Variants in RALGPS1 observed in about 807,000 individuals in gnomAD.
RALGPS1 encodes the protein Ral GEF with PH domain and SH3 binding motif 1.
Under a neutral mutation model 78.8 loss-of-function variants are expected in RALGPS1, and 19 were observed. The ratio of observed to expected loss-of-function variants is 0.24; its 90% CI spans 0.17 to 0.35. The LOEUF is 0.35. Ranked by LOEUF, RALGPS1 falls within the 10% of genes least tolerant of loss-of-function variation. The pLI is 1.00. For missense variants in RALGPS1, 454 were observed against 688.3 expected (o/e 0.66, Z 3.81); for synonymous variants, 228 against 256.3 (o/e 0.89, Z 1.06).
Position 126,950,646 on chromosome 9 carries a change from T to C in RALGPS1, c.-65-11579T>C, listed in dbSNP as rs2037723939. Among the ~76,000 whole-genome samples the C allele has an allele frequency of 2.6e-5, 4 of 151,850 alleles. No individual in the cohort carries two copies. The South Asian group carries it at 8.4e-4, about 32-fold the overall frequency. On this transcript the variant is annotated intron_variant, in intron 1 of 18. Transcript: ENST00000259351. ...AACAAAGACACAACATACCAGAATC[T>C]CTGGGACACATTCAAAGCAGTGTGT...
chr9:127,182,348 T>TCCCTCCCTCCCTCCCTCCCTC (rs2060290708), intron 11 of RALGPS1, among the ~76,000 whole-genome samples: 1 of 133,482 alleles, frequency 7.5e-6, no homozygotes, highest in African/African-American at 2.8e-5. Flanking sequence ...CTTCCTTCCT[T>TCCCTCCCTCCCTCCCTCCCTC]CCTCCCTTCC....
rs761865529 is a variant in RALGPS1, at chr9:127,195,209, A to G, written c.1029A>G (p.Leu343=). The G allele has an allele frequency of 3.1e-6, 5 of 1,610,326 alleles. No homozygotes were observed. In the South Asian group the frequency reaches 3.3e-5, roughly 11 times the overall value. The part of the protein sequence containing the change: ...PVPRHRKSHS[L]GNNMMCQLSV... ...CCAGACACAGGAAGAGCCACAGCCT[A>G]GGCAACAAGTGGGTGACTGAGCAAG... is the stretch of plus-strand genomic sequence containing the variant. Residue 343 remains leucine (L), a synonymous_variant, in exon 12 of 19, where the codon CTA becomes CTG. Transcript: ENST00000259351.
At chr9:127,209,926 G>A (rs1018447024) in intron 14 of RALGPS1, among the ~76,000 whole-genome samples, 3 of 152,254 alleles carry the variant, frequency 2.0e-5, no homozygotes, top group African/African-American at 7.2e-5. Flanking sequence ...CGGGCAAGAA[G>A]AGCTGTGGTC....
chr9:127,183,750 C>T lies in RALGPS1; in HGVS notation c.910+8968C>T, dbSNP rs2140226174. The T allele has an allele frequency of 1.2e-6, 1 of 855,360 alleles. No homozygotes were observed. Among genetic ancestry groups the T allele is most frequent in the Non-Finnish European group, 1.8e-6 (1 of 562,550 alleles). The allele number at this position is 855,360 out of a possible 1,614,324, so 53.0% of individuals were successfully genotyped here. On this transcript the variant is annotated intron_variant, in intron 11 of 18. Coordinates refer to ENST00000259351, the MANE Select transcript of RALGPS1 (RefSeq NM_014636.3). This position sits in a 1 kb window ranked among gnomAD's most constrained non-coding sequence, Gnocchi z 4.0. ...TCCTCTCTCTGGAAACATACTCTCT[C>T]TGCCCGTTTATATTTTCGGAATGGA...
intron 12 of RALGPS1, among the ~76,000 whole-genome samples, chr9:127,195,972 A>G (rs916965015): frequency 1.3e-5 from 2 of 152,180 alleles, no homozygotes; most frequent in Admixed American, 1.3e-4. Flanking sequence ...CACTCTGCAT[A>G]TGCCTGTCAA....
intron 1 of RALGPS1, among the ~76,000 whole-genome samples, chr9:126,958,142 A>AAAAAAAAAAAAAAAAAAAATAT (rs113413659): frequency 1.3e-5 from 1 of 77,084 alleles, no homozygotes; most frequent in Admixed American, 1.5e-4. Context: ...AAAAAAAAAA[A>AAAAAAAAAAAAAAAAAAAATAT]ATATATATAT....
intron 4 of RALGPS1, among the ~76,000 whole-genome samples, chr9:127,025,069 C>T (rs1378095361): frequency 6.6e-6 from 1 of 152,094 alleles, no homozygotes; most frequent in Non-Finnish European, 1.5e-5. Context: ...GCCTCCTGTT[C>T]CCAGTCCTTG....
chr9:126,922,326 A>G (rs1295569716), intron 1 of RALGPS1, among the ~76,000 whole-genome samples: 2 of 152,206 alleles, frequency 1.3e-5, no homozygotes, highest in African/African-American at 2.4e-5. Context: ...CCTTGACATC[A>G]TAGGTTTCTT....
At chr9:127,046,391 A>G (rs1008667743) in intron 5 of RALGPS1, among the ~76,000 whole-genome samples, 15 of 152,184 alleles carry the variant, frequency 9.9e-5, no homozygotes, top group African/African-American at 2.7e-4. Flanking sequence ...TAGTGCTTCA[A>G]TGAAACCTTG....
At chr9:127,184,278 C>G in intron 11 of RALGPS1, 2 of 450,488 alleles carry the variant, frequency 4.4e-6, no homozygotes, top group Non-Finnish European at 8.2e-6. Flanking sequence ...CGTGATCGCG[C>G]CACCGCGCTC....
At chr9:127,096,182 G>T (rs2053113348) in intron 8 of RALGPS1, among the ~76,000 whole-genome samples, 1 of 152,208 alleles carries the variant, frequency 6.6e-6, no homozygotes, top group Non-Finnish European at 1.5e-5. Flanking sequence ...CCAGGGAAGG[G>T]GAGGCTAGAC....
At chr9:127,184,841 G>A (rs1406477224) in intron 11 of RALGPS1, among the ~76,000 whole-genome samples, 2 of 152,206 alleles carry the variant, frequency 1.3e-5, no homozygotes, top group Non-Finnish European at 2.9e-5. Flanking sequence ...CTCTGCCACA[G>A]CTGCCTCCCA....
intron 1 of RALGPS1, among the ~76,000 whole-genome samples, chr9:126,939,241 G>T (rs2036537303): frequency 6.6e-6 from 1 of 152,218 alleles, no homozygotes; most frequent in East Asian, 1.9e-4. Context: ...TGGGACAGCA[G>T]AACCAGGCAG....
chr9:127,179,868 C>T (rs1416664901), intron 11 of RALGPS1, among the ~76,000 whole-genome samples: 1 of 152,196 alleles, frequency 6.6e-6, no homozygotes, highest in Non-Finnish European at 1.5e-5. Flanking sequence ...AGGTCTCGCC[C>T]TTTGAGGCCT....
At chr9:126,970,873 A>G (rs527707807) in intron 3 of RALGPS1, among the ~76,000 whole-genome samples, 106 of 152,358 alleles carry the variant, frequency 7.0e-4, no homozygotes, top group Non-Finnish European at 8.8e-4. Flanking sequence ...CAATGAAAGC[A>G]TGCCACAAAA....
chr9:126,984,617 G>A (rs1000334828), intron 4 of RALGPS1, among the ~76,000 whole-genome samples: 1 of 152,106 alleles, frequency 6.6e-6, no homozygotes, highest in Non-Finnish European at 1.5e-5. Flanking sequence ...TTTATTATAC[G>A]TCCTGTGTGT....
At chr9:127,203,022 A>G (rs1040933732) in intron 14 of RALGPS1, among the ~76,000 whole-genome samples, 4 of 152,246 alleles carry the variant, frequency 2.6e-5, no homozygotes, top group Non-Finnish European at 4.4e-5. Context: ...GCGTTTAGTC[A>G]GGAGCAGCAG....
intron 1 of RALGPS1, among the ~76,000 whole-genome samples, chr9:126,959,062 TTC>T (rs202116471): frequency 1.3e-5 from 2 of 151,376 alleles, no homozygotes; most frequent in South Asian, 4.2e-4. Context: ...TATCTTCTTC[TTC>T]TTTTTTTTTT....
At chr9:127,102,383 A>G (rs2136886955) in intron 8 of RALGPS1, among the ~76,000 whole-genome samples, 1 of 152,172 alleles carries the variant, frequency 6.6e-6, no homozygotes, top group East Asian at 1.9e-4. Context: ...CTCAGGATTA[A>G]TACTATACAA....
Sources: gnomAD v4.1 joint callset for allele counts (sites outside exome capture counted in the v4.1 genomes callset) on GRCh38, gnomAD v4.1.1 for gene constraint, Gnocchi (gnomAD v3.1) non-coding constraint, MANE v1.5 for transcripts, NCBI Gene and HGNC (gene_info 2026-07-23, HGNC 2026-07-21) for gene names.